The following GPR21 variants were observed in gnomAD, a reference collection of about 807,000 sequenced individuals.
GPR21 encodes probable G protein-coupled receptor 21.
GPR21 carries 9 observed loss-of-function variants against 21.5 expected under a neutral mutation model. That is an observed-to-expected ratio of 0.42 (90% CI 0.25 to 0.73). The LOEUF (loss-of-function observed/expected upper bound fraction) is 0.73, where lower values mean the gene tolerates loss of function less well. Ranked by LOEUF, GPR21 falls within the 30% of genes least tolerant of loss-of-function variation. The pLI is 0.27. For synonymous variants in GPR21, 169 were observed against 159.3 expected (o/e 1.06, Z -0.46); for missense variants, 416 against 428.9 (o/e 0.97, Z 0.27).
At position 123,035,602 on chromosome 9, in the gene GPR21, G is replaced by T. The variant is rs2131997836; in HGVS notation, c.1036G>T (p.Gly346Ter). ...YTVRSKGPLN[G>*]CHI is the part of the protein sequence containing the mutation. Reference sequence around the variant, plus strand: ...AGTTAGAAGCAAAGGCCCTCTTAATGGATGTCATATCTGAAGTGGCTCAGT... The same window carrying T: ...AGTTAGAAGCAAAGGCCCTCTTAATTGATGTCATATCTGAAGTGGCTCAGT... The change falls in exon 2 of 2, where the codon GGA becomes TGA. Residue 346 changes from glycine (G) to a stop codon, truncating the protein, a stop_gained. Transcript: ENST00000616002. LOFTEE classifies it high-confidence loss of function. 1 of 1,587,234 alleles carries T rather than the reference G, an allele frequency of 6.3e-7. No individual in the cohort carries two copies. Among genetic ancestry groups the T allele is most frequent in the Non-Finnish European group, 8.5e-7 (1 of 1,169,846 alleles).
rs779169012 is a variant in GPR21, at chr9:123,034,559, A to T, written c.-8A>T. 6.4e-7 allele frequency: 1 copy of T among 1,574,650 alleles called. No homozygotes were observed. Among genetic ancestry groups the T allele is most frequent in the Non-Finnish European group, 8.7e-7 (1 of 1,155,630 alleles). ...AGCATGAAGTGACAGATCACTCCTG[A>T]GCTCAAGATGAACTCCACCTTGGAT... On this transcript the variant is annotated 5_prime_UTR_variant, in exon 2 of 2. It removes the in-frame stop codon of an upstream open reading frame in the 5' UTR. Coordinates refer to ENST00000616002, the MANE Select transcript of GPR21 (RefSeq NM_005294.3).
Position 123,034,494 on chromosome 9 carries a change from A to G in GPR21, c.-73A>G. On this transcript the variant is annotated 5_prime_UTR_variant, in exon 2 of 2. Transcript: ENST00000616002. ...CACATGCAAAGCTGACCGCAATGAC[A>G]GCAGCTGCTTCTTTGAACTGTTGGC... is the stretch of plus-strand genomic sequence containing the variant. 1.1e-6 allele frequency: 1 copy of G among 903,116 alleles called. No individual in the cohort carries two copies. The allele number at this position is 903,116 out of a possible 1,614,324, so 55.9% of individuals were successfully genotyped here.
chr9:123,035,703 C>G, downstream of GPR21: 1 of 845,708 alleles, frequency 1.2e-6, no homozygotes. Context: ...CTAAGTATTC[C>G]TAATTCACTA....
At chr9:123,043,904 T>C in the GPR21 span, among the ~76,000 whole-genome samples, 4 of 148,520 alleles carry the variant, frequency 2.7e-5, no homozygotes, top group East Asian at 1.9e-4. Flanking sequence ...TATTTTCTTT[T>C]TTTTTTTTTT....
the GPR21 span, among the ~76,000 whole-genome samples, chr9:123,048,229 A>T: frequency 6.6e-6 from 1 of 152,124 alleles, no homozygotes; most frequent in Non-Finnish European, 1.5e-5. Context: ...GTGAGCCATC[A>T]TGCCCAATCA....
the GPR21 span, among the ~76,000 whole-genome samples, chr9:123,048,214 C>T: frequency 1.3e-5 from 2 of 152,136 alleles, no homozygotes; most frequent in Admixed American, 1.3e-4. Context: ...GTTAGGATTA[C>T]AGGCGTGAGC....
the GPR21 span, among the ~76,000 whole-genome samples, chr9:123,048,204 G>A: frequency 1.3e-5 from 2 of 152,060 alleles, no homozygotes; most frequent in Admixed American, 6.6e-5. Context: ...CTCCCAAAGT[G>A]TTAGGATTAC....
At chr9:123,038,671 A>G (rs1820108432), downstream of GPR21, among the ~76,000 whole-genome samples, 2 of 152,178 alleles carry the variant, frequency 1.3e-5, no homozygotes, top group South Asian at 2.1e-4. Flanking sequence ...TGAAGTCCTC[A>G]TAAATCATTT....
Position 123,035,310 on chromosome 9 carries a change from G to T in GPR21, c.744G>T (p.Lys248Asn), listed in dbSNP as rs1348461073. 1.2e-6 allele frequency: 2 copies of T among 1,614,042 alleles called. No homozygotes were observed. Among genetic ancestry groups the T allele is most frequent in the African/African-American group, 2.7e-5 (2 of 74,922 alleles). ...GGGAAGTGCAGGCCTGTCCTGATAA[G>T]CGCTATGCCATGGTCCTGTTTCGAA... is the stretch of plus-strand genomic sequence containing the variant. ...ETGEVQACPD[K>N]RYAMVLFRIT... is the part of the protein sequence containing the mutation. Residue 248 changes from lysine (K) to asparagine (N), a missense_variant, in exon 2 of 2, where the codon AAG becomes AAT. Coordinates refer to ENST00000616002, the MANE Select transcript of GPR21 (RefSeq NM_005294.3).
rs931776190 is a variant in GPR21 at position 123,034,504 on chromosome 9, T to G, written c.-63T>G. ...GCTGACCGCAATGACAGCAGCTGCT[T>G]CTTTGAACTGTTGGCAGCAGCCAAG... On this transcript the variant is annotated 5_prime_UTR_variant, in exon 2 of 2. Coordinates refer to ENST00000616002, the MANE Select transcript of GPR21 (RefSeq NM_005294.3). 9.7e-6 allele frequency: 10 copies of G among 1,026,466 alleles called. No homozygotes were observed. The highest frequency in any genetic ancestry group is 2.1e-5 in the Admixed American group (1 of 47,846). The allele number at this position is 1,026,466 out of a possible 1,614,324, so 63.6% of individuals were successfully genotyped here.
chr9:123,039,765 C>T (rs1326000443), downstream of GPR21, among the ~76,000 whole-genome samples: 1 of 152,074 alleles, frequency 6.6e-6, no homozygotes, highest in African/African-American at 2.4e-5. Context: ...GCTCTGGATC[C>T]AGATAAAGCT....
In GPR21 at chr9:123,035,380, T is replaced by C; in HGVS notation, c.814T>C (p.Phe272Leu). 6.2e-7 allele frequency: 1 copy of C among 1,614,164 alleles called. No homozygotes were observed. The highest frequency in any genetic ancestry group is 8.5e-7 in the Non-Finnish European group (1 of 1,180,000). Residue 272 changes from phenylalanine to leucine, a missense_variant, in exon 2 of 2, where the codon TTC becomes CTC. Coordinates refer to ENST00000616002, the MANE Select transcript of GPR21 (RefSeq NM_005294.3). ...CCTCTGGTTGCCATATATCATCTAC[T>C]TCTTGTTGGAAAGCTCCACTGGCCA... ...YILWLPYIIY[F>L]LLESSTGHSN... is the part of the protein sequence containing the mutation.
At position 123,034,168 on chromosome 9, in the gene GPR21, C is replaced by T. The variant is rs535369417; in HGVS notation, c.-396-3C>T. The T allele has an allele frequency of 2.1e-5, 4 of 194,482 alleles. No homozygotes were observed. The highest frequency in any genetic ancestry group is 1.8e-4 in the South Asian group (1 of 5,630). The allele number at this position is 194,482 out of a possible 1,614,324, so 12.0% of individuals were successfully genotyped here. ...AAAATGCTCTCTCCTTTTCTTCTAT[C>T]AGCTGTTCAGAGGAGACTCATTACA... On this transcript the variant is annotated splice_polypyrimidine_tract_variant and splice_region_variant and intron_variant, in intron 1 of 1. Coordinates refer to ENST00000616002, the MANE Select transcript of GPR21 (RefSeq NM_005294.3).
chr9:123,037,448 T>C (rs748848553), downstream of GPR21, among the ~76,000 whole-genome samples: 3 of 152,208 alleles, frequency 2.0e-5, no homozygotes, highest in Non-Finnish European at 2.9e-5. Context: ...ATACTGAAAT[T>C]GCAAGTTATG....
At chr9:123,045,732 T>G in the GPR21 span, among the ~76,000 whole-genome samples, 30 of 152,216 alleles carry the variant, frequency 2.0e-4, no homozygotes, top group African/African-American at 5.3e-4. Context: ...TCTTGGATCA[T>G]TTTTTTCCTC....
Position 123,035,071 on chromosome 9 carries a change from G to T in GPR21, c.505G>T (p.Gly169Cys). 6.2e-7 allele frequency: 1 copy of T among 1,614,040 alleles called. No homozygotes were observed. Among genetic ancestry groups the T allele is most frequent in the Non-Finnish European group, 8.5e-7 (1 of 1,179,992 alleles). ...CTTCCTGCCTTCCTTTTTCCACTGGGGCAAACCTGGATATCATGGAGATGT... is the reference window on the plus strand; with the variant it reads ...CTTCCTGCCTTCCTTTTTCCACTGGTGCAAACCTGGATATCATGGAGATGT... The part of the protein sequence containing the change: ...LVFLPSFFHW[G>C]KPGYHGDVFQ... Residue 169 changes from glycine to cysteine, a missense_variant, in exon 2 of 2, where the codon GGC becomes TGC. Transcript: ENST00000616002.
At chr9:123,036,212 A>T (rs896580491), downstream of GPR21, among the ~76,000 whole-genome samples, 2 of 152,258 alleles carry the variant, frequency 1.3e-5, no homozygotes, top group Non-Finnish European at 2.9e-5. Context: ...TAATGTGAAC[A>T]CATAAACATT....
chr9:123,041,775 A>G, the GPR21 span, among the ~76,000 whole-genome samples: 146 of 152,364 alleles, frequency 9.6e-4, 2 homozygotes, highest in Admixed American at 8.1e-3. Flanking sequence ...TGATTTGTCT[A>G]TTGACCACAG....
chr9:123,039,656 C>T (rs1438798973), downstream of GPR21, among the ~76,000 whole-genome samples: 1 of 152,140 alleles, frequency 6.6e-6, no homozygotes, highest in Non-Finnish European at 1.5e-5. Flanking sequence ...CTTCTGGAAA[C>T]TCTGTAGCTT....
Sources: allele counts gnomAD v4.1 joint callset (sites outside exome capture counted in the v4.1 genomes callset), GRCh38; gene constraint gnomAD v4.1.1; transcripts MANE v1.5; gene names NCBI Gene and HGNC (gene_info 2026-07-23, HGNC 2026-07-21).